NFKB1: variants seen among roughly 807,000 people sequenced by gnomAD.
The protein encoded by NFKB1 is nuclear factor NF-kappa-B p105 subunit.
In NFKB1, 9 loss-of-function variants were observed where a neutral mutation model predicts 105.1. The ratio of observed to expected loss-of-function variants is 0.09; its 90% confidence interval spans 0.05 to 0.15. The LOEUF is 0.15. Ranked by LOEUF, NFKB1 falls within the 10% of genes least tolerant of loss-of-function variation. NFKB1 has a pLI of 1.00. For missense variants in NFKB1, 830 were observed against 1,203.7 expected, an observed-to-expected ratio of 0.69 and a Z score of 4.59; for synonymous variants, 440 against 442.2, an observed-to-expected ratio of 1.00 and a Z score of 0.06.
intron 5 of NFKB1, among the ~76,000 whole-genome samples, chr4:102,543,546 C>T (rs1015493497): frequency 1.1e-4 from 16 of 150,330 alleles, no homozygotes; most frequent in Non-Finnish European, 1.8e-4. Context: ...GAGTGGAAGA[C>T]GTGTTGAAAT....
At chr4:102,508,976 G>T (rs1430156374) in intron 1 of NFKB1, among the ~76,000 whole-genome samples, 2 of 152,150 alleles carry the variant, frequency 1.3e-5, no homozygotes, top group African/African-American at 2.4e-5. Flanking sequence ...AAGTAAGAGA[G>T]ATTGCCCTTG....
At chr4:102,546,759 G>A (rs965149186) in intron 5 of NFKB1, among the ~76,000 whole-genome samples, 2 of 152,158 alleles carry the variant, frequency 1.3e-5, no homozygotes, top group African/African-American at 4.8e-5. Flanking sequence ...ACTTAATTCA[G>A]GACTCTCTCA....
chr4:102,612,331 G>T, intron 21 of NFKB1, 103 bp from the exon 22 acceptor site: 2 of 1,235,830 alleles, frequency 1.6e-6, no homozygotes, highest in Non-Finnish European at 2.3e-6. Flanking sequence ...TAGCTTGGTT[G>T]GTTCCACTGG....
At chr4:102,535,550 C>A (rs533917191) in intron 4 of NFKB1, among the ~76,000 whole-genome samples, 1 of 152,208 alleles carries the variant, frequency 6.6e-6, no homozygotes, top group South Asian at 2.1e-4. Context: ...GTAGCCTTGC[C>A]TTTGAGGTTG....
intron 6 of NFKB1, among the ~76,000 whole-genome samples, chr4:102,571,137 T>G (rs1263405142): frequency 2.0e-5 from 3 of 152,088 alleles, no homozygotes; most frequent in Non-Finnish European, 4.4e-5. Context: ...AAAACAGAGA[T>G]ATAGACCAAT....
At chr4:102,570,431 G>A (rs1165121513) in intron 6 of NFKB1, among the ~76,000 whole-genome samples, 1 of 152,006 alleles carries the variant, frequency 6.6e-6, no homozygotes, top group Non-Finnish European at 1.5e-5. Flanking sequence ...TGGTATATAT[G>A]TACCACATTT....
intron 7 of NFKB1, chr4:102,577,691 C>T: frequency 3.3e-6 from 1 of 300,446 alleles, no homozygotes; most frequent in South Asian, 1.3e-4. Context: ...ATCAGTTTTC[C>T]ACTAAATATA....
chr4:102,502,390 G>GCGCACACACACA lies in NFKB1; in HGVS notation c.-8+603_-8+604insGCACACACACAC, dbSNP rs1311577382. Among the ~76,000 whole-genome samples, 379 of 105,370 alleles carry GCGCACACACACA rather than the reference G, an allele frequency of 3.6e-3. 10 individuals are homozygous for GCGCACACACACA. The highest frequency in any genetic ancestry group is 0.013 in the African/African-American group (307 of 23,986). The allele number at this position is 105,370 out of a possible 152,430, so 69.1% of individuals were successfully genotyped here. Reference sequence around the variant, plus strand: ...CCCCCCTCCGTGCGCGCGCGCGCGCGCACACACACACACACACACACACAC... The same window carrying GCGCACACACACA: ...CCCCCCTCCGTGCGCGCGCGCGCGCGCGCACACACACACACACACACACACACACACACACAC... On this transcript the variant is annotated intron_variant, in intron 1 of 23. Transcript: ENST00000226574.
At chr4:102,597,338 C>T (rs1002749303) in intron 14 of NFKB1, among the ~76,000 whole-genome samples, 182 bp from the exon 15 acceptor site, 2 of 152,170 alleles carry the variant, frequency 1.3e-5, no homozygotes, top group East Asian at 3.8e-4. Context: ...TTGTCAGTGA[C>T]CCAGTGTCCA....
intron 1 of NFKB1, among the ~76,000 whole-genome samples, chr4:102,510,033 C>G (rs1013149149): frequency 2.0e-5 from 3 of 152,166 alleles, no homozygotes; most frequent in Non-Finnish European, 2.9e-5. Flanking sequence ...AGTTTCCTAT[C>G]CACAGTTTCT....
At chr4:102,584,286 ATC>A (rs571788063) in intron 10 of NFKB1, among the ~76,000 whole-genome samples, 1 of 152,300 alleles carries the variant, frequency 6.6e-6, no homozygotes, top group African/African-American at 2.4e-5. Flanking sequence ...GCCTGTAGCC[ATC>A]TCTCTCTTTC....
intron 1 of NFKB1, among the ~76,000 whole-genome samples, chr4:102,515,709 A>G (rs1290432343): frequency 2.0e-5 from 3 of 152,126 alleles, no homozygotes; most frequent in Non-Finnish European, 4.4e-5. Flanking sequence ...ATTGTTATAC[A>G]TTTTACTTCT....
chr4:102,586,308 T>C (rs1029415347), intron 11 of NFKB1, among the ~76,000 whole-genome samples: 9 of 151,986 alleles, frequency 5.9e-5, no homozygotes, highest in Non-Finnish European at 1.0e-4. Context: ...AGGAAGCTTG[T>C]GATGTGGTTG....
At chr4:102,577,174 C>T in intron 7 of NFKB1, 135 bp downstream of exon 7, 2 of 864,126 alleles carry the variant, frequency 2.3e-6, no homozygotes, top group Non-Finnish European at 3.4e-6. Flanking sequence ...GCTCAGAAAC[C>T]TTTGATGGCA....
chr4:102,504,274 G>A (rs1469179140), intron 1 of NFKB1, among the ~76,000 whole-genome samples: 4 of 152,170 alleles, frequency 2.6e-5, no homozygotes, highest in South Asian at 2.1e-4. Flanking sequence ...GCAGTAGGAA[G>A]TGTATCTGGA....
intron 19 of NFKB1, among the ~76,000 whole-genome samples, chr4:102,609,689 T>C (rs1224515422): frequency 6.6e-6 from 1 of 150,960 alleles, no homozygotes; most frequent in Non-Finnish European, 1.5e-5. Context: ...AAATTGTTCA[T>C]CTTAATTTCT....
chr4:102,526,638 C>A (rs1432740334), intron 2 of NFKB1, among the ~76,000 whole-genome samples: 4 of 152,124 alleles, frequency 2.6e-5, no homozygotes, highest in Admixed American at 2.6e-4. Context: ...TGAAGAATCA[C>A]TTAGTCCCCG....
chr4:102,575,006 A>C (rs1418720678), intron 6 of NFKB1, among the ~76,000 whole-genome samples: 3 of 152,236 alleles, frequency 2.0e-5, no homozygotes, highest in African/African-American at 7.2e-5. Flanking sequence ...CAGTTAGGGA[A>C]GTTCTATATG....
chr4:102,598,388 C>A lies in NFKB1; in HGVS notation c.1637+727C>A, dbSNP rs1726823638. 2.0e-5 allele frequency among the ~76,000 whole-genome samples: 3 copies of A among 152,206 alleles called. No homozygotes were observed. The South Asian group carries it at 6.2e-4, about 31-fold the overall frequency. ...TTCACATTCAAGTCAAGTGCCTTAT[C>A]TAAAACCTTCCTAAAATAGCATCAA... On this transcript the variant is annotated intron_variant, in intron 15 of 23. Transcript: ENST00000226574.
Sources: allele counts gnomAD v4.1 joint callset (sites outside exome capture counted in the v4.1 genomes callset), GRCh38; gene constraint gnomAD v4.1.1; transcripts MANE v1.5; gene names NCBI Gene and HGNC (gene_info 2026-07-23, HGNC 2026-07-21).